The following TWIST2 variants were observed in gnomAD, a reference collection of about 807,000 sequenced individuals.
TWIST2 encodes the protein twist-related protein 2.
A neutral mutation model predicts 11.6 loss-of-function variants in TWIST2; 1 was observed. That is an observed-to-expected ratio of 0.09 (90% CI 0.03 to 0.41). TWIST2 has a LOEUF of 0.41. Ranked by LOEUF, TWIST2 falls within the 10% of genes least tolerant of loss-of-function variation. The pLI, the probability that TWIST2 is intolerant of heterozygous loss-of-function variation, is 0.98. For missense variants in TWIST2, 168 were observed against 226.4 expected (o/e 0.74, Z 1.66); for synonymous variants, 87 against 96.6 (o/e 0.90, Z 0.58).
At chr2:238,890,356 C>T (rs1693111857) in intron 1 of TWIST2, among the ~76,000 whole-genome samples, 1 of 152,224 alleles carries the variant, frequency 6.6e-6, no homozygotes, top group South Asian at 2.1e-4. Context: ...CCTCCAGAGC[C>T]TGGGTGAAAG....
intron 1 of TWIST2, among the ~76,000 whole-genome samples, chr2:238,896,152 G>A (rs1268917120): frequency 3.3e-5 from 5 of 150,722 alleles, no homozygotes; most frequent in Non-Finnish European, 5.9e-5. Context: ...GGAGGGGGGA[G>A]AGAGGGGCGG....
At chr2:238,860,763 C>A (rs1177400638) in intron 1 of TWIST2, among the ~76,000 whole-genome samples, 1 of 152,200 alleles carries the variant, frequency 6.6e-6, no homozygotes, top group Non-Finnish European at 1.5e-5. Context: ...CATGGCGAAA[C>A]CCCGGTTCTA....
Position 238,866,036 on chromosome 2 carries a change from C to T in TWIST2, c.*35+17303C>T, listed in dbSNP as rs1692524359. ...CCTTTCCCAGTCACTGATCTGACTC[C>T]GTCGCTTAACCTGTTAATGGAATAG... On this transcript the variant is annotated intron_variant, in intron 1 of 1. Transcript: ENST00000612363. This position sits in a 1 kb window ranked among gnomAD's most constrained non-coding sequence, Gnocchi z 4.9. Among the ~76,000 whole-genome samples the T allele has an allele frequency of 1.3e-5, 2 of 152,170 alleles. No individual in the cohort carries two copies. The highest frequency in any genetic ancestry group is 4.1e-4 in the South Asian group (2 of 4,826).
At position 238,857,128 on chromosome 2, in the gene TWIST2, AG is replaced by A. The variant is rs200411719; in HGVS notation, c.*35+8399del. Among the ~76,000 whole-genome samples, 1,336 of 152,196 alleles carry A rather than the reference AG, an allele frequency of 8.8e-3. 20 individuals are homozygous for A. Among genetic ancestry groups the A allele is most frequent in the African/African-American group, 0.03 (1,248 of 41,538 alleles). On this transcript the variant is annotated intron_variant, in intron 1 of 1. Transcript: ENST00000612363. Reference sequence around the variant, plus strand: ...AGCTTGGGTTGGCCTGAGACTGTTCAGGGGAGGGGCACCATGGGCATGGTGC... The same window carrying A: ...AGCTTGGGTTGGCCTGAGACTGTTCAGGGAGGGGCACCATGGGCATGGTGC...
chr2:238,890,639 A>G (rs1163075634), intron 1 of TWIST2, among the ~76,000 whole-genome samples: 7 of 152,264 alleles, frequency 4.6e-5, no homozygotes, highest in Admixed American at 1.3e-4. Context: ...ATCAAATGCC[A>G]TAAGACTTGT....
At chr2:238,887,717 CT>C (rs1246951122) in intron 1 of TWIST2, among the ~76,000 whole-genome samples, 4 of 152,198 alleles carry the variant, frequency 2.6e-5, no homozygotes, top group African/African-American at 9.7e-5. Flanking sequence ...CGTCAGGTCT[CT>C]TCTGCTGCCC....
At chr2:238,893,254 C>T (rs1418567683) in intron 1 of TWIST2, among the ~76,000 whole-genome samples, 1 of 152,074 alleles carries the variant, frequency 6.6e-6, no homozygotes, top group East Asian at 1.9e-4. Context: ...AAAGACTGCC[C>T]AATAAAACAT....
At chr2:238,906,987 G>A (rs1225654863) in intron 1 of TWIST2, among the ~76,000 whole-genome samples, 2 of 152,248 alleles carry the variant, frequency 1.3e-5, no homozygotes, top group Non-Finnish European at 2.9e-5. Flanking sequence ...TGCAAGAGGT[G>A]TGGGAGTGAG....
At chr2:238,851,034 T>C (rs1692232432) in intron 1 of TWIST2, among the ~76,000 whole-genome samples, 3 of 152,258 alleles carry the variant, frequency 2.0e-5, no homozygotes, top group Non-Finnish European at 4.4e-5. Context: ...CCTGAAAATG[T>C]TGCTAAACAG....
At chr2:238,873,722 C>A (rs932094764) in intron 1 of TWIST2, among the ~76,000 whole-genome samples, 4 of 152,188 alleles carry the variant, frequency 2.6e-5, no homozygotes, top group Non-Finnish European at 5.9e-5. Flanking sequence ...AGAAGCAAAT[C>A]TGGGCCGAGA....
chr2:238,870,017 A>G (rs994244287), intron 1 of TWIST2, among the ~76,000 whole-genome samples: 1 of 151,872 alleles, frequency 6.6e-6, no homozygotes, highest in Middle Eastern at 3.4e-3. Flanking sequence ...GCTGGTGGGA[A>G]TGTAAACCAG....
intron 1 of TWIST2, among the ~76,000 whole-genome samples, chr2:238,905,930 TGC>T (rs1222969992): frequency 7.1e-6 from 1 of 140,372 alleles, no homozygotes; most frequent in East Asian, 2.0e-4. Flanking sequence ...GGTGTGCGTG[TGC>T]GCGTGTGTGT....
intron 1 of TWIST2, among the ~76,000 whole-genome samples, chr2:238,884,210 G>A (rs1224132805): frequency 1.3e-5 from 2 of 152,310 alleles, no homozygotes; most frequent in East Asian, 3.9e-4. Flanking sequence ...GTTGTGCCTG[G>A]GCTGAAGTGC....
At chr2:238,892,291 CGAG>C (rs1453145075) in intron 1 of TWIST2, among the ~76,000 whole-genome samples, 7 of 152,300 alleles carry the variant, frequency 4.6e-5, no homozygotes, top group African/African-American at 1.7e-4. Flanking sequence ...GGAGGCGGCA[CGAG>C]GAGGGGGCCC....
chr2:238,894,269 C>T (rs1693181226), intron 1 of TWIST2, among the ~76,000 whole-genome samples: 1 of 152,164 alleles, frequency 6.6e-6, no homozygotes, highest in Non-Finnish European at 1.5e-5. Context: ...CCTGAGGACT[C>T]CAGCAGCTCC....
chr2:238,861,656 C>T (rs1042971709), intron 1 of TWIST2, among the ~76,000 whole-genome samples: 1 of 152,208 alleles, frequency 6.6e-6, no homozygotes, highest in African/African-American at 2.4e-5. Context: ...TTTTAGCACA[C>T]CTGCCACCAC....
Position 238,848,477 on chromosome 2 carries a change from G to T in TWIST2, c.262G>T (p.Ala88Ser). 1 of 1,573,808 alleles carries T rather than the reference G, an allele frequency of 6.4e-7. No individual in the cohort carries two copies. Among genetic ancestry groups the T allele is most frequent in the Non-Finnish European group, 8.6e-7 (1 of 1,162,252 alleles). ...CCAGTCGCTCAACGAGGCCTTCGCGGCGCTGCGCAAGATCATCCCCACGCT... is the reference window on the plus strand; with the variant it reads ...CCAGTCGCTCAACGAGGCCTTCGCGTCGCTGCGCAAGATCATCCCCACGCT... ...RTQSLNEAFA[A>S]LRKIIPTLPS... Residue 88 changes from alanine to serine, a missense_variant, in exon 1 of 2, where the codon GCG becomes TCG. Ala to Ser is a moderately conservative substitution (Grantham distance 99). Coordinates refer to ENST00000612363, the MANE Select transcript of TWIST2 (RefSeq NM_001271893.4).
intron 1 of TWIST2, among the ~76,000 whole-genome samples, chr2:238,907,603 G>A (rs1693374525): frequency 6.6e-6 from 1 of 152,066 alleles, no homozygotes; most frequent in Non-Finnish European, 1.5e-5. Flanking sequence ...ACCTTGTGGG[G>A]CTGGAAGAAT....
intron 1 of TWIST2, among the ~76,000 whole-genome samples, chr2:238,869,097 G>A (rs1490031935): frequency 9.9e-5 from 15 of 152,186 alleles, no homozygotes; most frequent in South Asian, 2.1e-4. Context: ...TGGGGAGCAC[G>A]CCACTGAGAG....
Sources: gnomAD v4.1 joint callset for allele counts (sites outside exome capture counted in the v4.1 genomes callset) on GRCh38, gnomAD v4.1.1 for gene constraint, Gnocchi (gnomAD v3.1) non-coding constraint, MANE v1.5 for transcripts, NCBI Gene and HGNC (gene_info 2026-07-23, HGNC 2026-07-21) for gene names.